Variants in CRYBG3 observed in about 807,000 individuals in gnomAD.
The protein encoded by CRYBG3 is crystallin beta-gamma domain containing 3, also known as very large A-kinase anchor protein.
A neutral mutation model predicts 244.2 loss-of-function variants in CRYBG3; 127 were observed. That is an observed-to-expected ratio of 0.52 (90% CI 0.45 to 0.60). The LOEUF (loss-of-function observed/expected upper bound fraction) is 0.60, where lower values mean the gene tolerates loss of function less well. Among genes scored for constraint, CRYBG3 ranks in the 20% least tolerant of loss-of-function variants. The pLI is 0.00. For missense variants in CRYBG3, 3,325 were observed against 3,442.5 expected, an observed-to-expected ratio of 0.97 and a Z score of 0.85; for synonymous variants, 1,132 against 1,195.8, an observed-to-expected ratio of 0.95 and a Z score of 1.10.
rs929917824 is a variant in CRYBG3, at chr3:97,876,070, G to T, written c.4876G>T (p.Asp1626Tyr). ...LGMEKAYKMK[D>Y]TEGDIGKIEV... ...AATGGAAAAAGCTTATAAGATGAAG[G>T]ATACTGAAGGGGATATTGGCAAAAT... The change falls in exon 4 of 22, where the codon GAT (aspartate) becomes TAT (tyrosine). Residue 1626 changes from aspartate (D) to tyrosine (Y), a missense_variant. Asp to Tyr is a radical substitution (Grantham distance 160). This residue lies in a region of CRYBG3 where 635 missense variants were observed against 771.7 expected (regional missense o/e 0.82). Coordinates refer to ENST00000389622, the MANE Select transcript of CRYBG3 (RefSeq NM_153605.4). The T allele has an allele frequency of 8.1e-7, 1 of 1,231,920 alleles. No individual in the cohort carries two copies. The allele number at this position is 1,231,920 out of a possible 1,614,324, so 76.3% of individuals were successfully genotyped here.
At chr3:97,852,716 A>T (rs1204397254) in intron 2 of CRYBG3, among the ~76,000 whole-genome samples, 2 of 152,128 alleles carry the variant, frequency 1.3e-5, no homozygotes, top group Non-Finnish European at 2.9e-5. Context: ...GCTGGATCCC[A>T]TAGTAGTTTA....
chr3:97,863,552 T>C (rs999013303), intron 2 of CRYBG3, among the ~76,000 whole-genome samples: 1 of 152,130 alleles, frequency 6.6e-6, no homozygotes. Flanking sequence ...TTCTCTGAAC[T>C]GAAGTACCAT....
intron 1 of CRYBG3, among the ~76,000 whole-genome samples, chr3:97,828,452 A>T (rs1178169360): frequency 6.6e-6 from 1 of 152,040 alleles, no homozygotes; most frequent in Non-Finnish European, 1.5e-5. Flanking sequence ...ATATAGTGAA[A>T]TATGATGTAT....
At chr3:97,833,231 A>G (rs1233247382) in intron 1 of CRYBG3, among the ~76,000 whole-genome samples, 2 of 152,234 alleles carry the variant, frequency 1.3e-5, no homozygotes, top group African/African-American at 4.8e-5. Flanking sequence ...CCAAAGGATT[A>G]TAAATCATTC....
In CRYBG3 at chr3:97,874,253, C is replaced by A. The variant is rs912203334; in HGVS notation, c.3059C>A (p.Ser1020Tyr). ...TCTGATTCCAGTTTGGAAAAAAATTCTTCTGCATCTGAGGACTCAAGCTTC... is the reference window on the plus strand; with the variant it reads ...TCTGATTCCAGTTTGGAAAAAAATTATTCTGCATCTGAGGACTCAAGCTTC... The part of the protein sequence containing the change: ...LDSDSSLEKN[S>Y]SASEDSSFLK... The change falls in exon 4 of 22, where the codon TCT (serine) becomes TAT (tyrosine). Residue 1020 changes from serine (S) to tyrosine (Y), a missense_variant. Ser to Tyr is a moderately radical substitution (Grantham distance 144, BLOSUM62 -2). Transcript: ENST00000389622. 1 of 1,535,182 alleles carries A rather than the reference C, an allele frequency of 6.5e-7. No individual in the cohort carries two copies. Among genetic ancestry groups the A allele is most frequent in the Non-Finnish European group, 8.7e-7 (1 of 1,146,662 alleles).
At position 97,937,054 on chromosome 3, in the gene CRYBG3, C is replaced by T. The variant is rs1288558792; in HGVS notation, c.8505+146C>T. On this transcript the variant is annotated intron_variant, in intron 19 of 21. Coordinates refer to ENST00000389622, the MANE Select transcript of CRYBG3 (RefSeq NM_153605.4). ...TGAATTAGGATGCGGATATCTTGTACATTTTAACCAATTTGTAAGATTGTA... is the reference window on the plus strand; with the variant it reads ...TGAATTAGGATGCGGATATCTTGTATATTTTAACCAATTTGTAAGATTGTA... 3.5e-6 allele frequency: 3 copies of T among 853,856 alleles called. No individual in the cohort carries two copies. The East Asian group carries it at 8.1e-5, about 23-fold the overall frequency. The allele number at this position is 853,856 out of a possible 1,614,324, so 52.9% of individuals were successfully genotyped here. A position where few individuals can be genotyped will look rare whatever the true frequency, so the allele number is the denominator to read the frequency against.
intron 2 of CRYBG3, among the ~76,000 whole-genome samples, chr3:97,845,118 G>A (rs374326137): frequency 6.6e-6 from 1 of 152,140 alleles, no homozygotes; most frequent in East Asian, 1.9e-4. Flanking sequence ...TAACAAATAT[G>A]TATTTTGGTA....
At chr3:97,915,990 G>A (rs1236835812) in intron 17 of CRYBG3, among the ~76,000 whole-genome samples, 1 of 152,050 alleles carries the variant, frequency 6.6e-6, no homozygotes, top group Non-Finnish European at 1.5e-5. Context: ...TCAACTCCCA[G>A]TTTGATACTT....
At chr3:97,837,039 C>T (rs1211727373) in intron 1 of CRYBG3, 4 of 152,048 alleles carry the variant, frequency 2.6e-5, no homozygotes, top group East Asian at 3.9e-4. Flanking sequence ...GATCCAAAAA[C>T]GTTCATTTTG....
intron 7 of CRYBG3, among the ~76,000 whole-genome samples, chr3:97,884,379 T>G (rs1175622718): frequency 6.6e-6 from 1 of 152,116 alleles, no homozygotes; most frequent in Non-Finnish European, 1.5e-5. Flanking sequence ...TATGACATCT[T>G]TCTTATGGTA....
intron 2 of CRYBG3, among the ~76,000 whole-genome samples, chr3:97,854,477 A>G (rs2039036317): frequency 1.3e-5 from 2 of 152,036 alleles, no homozygotes; most frequent in South Asian, 4.1e-4. Context: ...CTACCCATCC[A>G]TGAGCATGGG....
chr3:97,917,974 C>T (rs954948154), intron 17 of CRYBG3, among the ~76,000 whole-genome samples: 3 of 152,124 alleles, frequency 2.0e-5, no homozygotes, highest in Non-Finnish European at 4.4e-5. Flanking sequence ...CCACTATCTT[C>T]GTAGTTAGGA....
intron 2 of CRYBG3, among the ~76,000 whole-genome samples, chr3:97,849,749 CTTT>C (rs2038956806): frequency 6.6e-6 from 1 of 152,114 alleles, no homozygotes; most frequent in Non-Finnish European, 1.5e-5. Flanking sequence ...GAAAATTTGC[CTTT>C]ACAGGTGTCA....
chr3:97,872,482 C>A lies in CRYBG3; in HGVS notation c.1288C>A (p.Gln430Lys). 1.3e-6 allele frequency: 2 copies of A among 1,535,988 alleles called. No homozygotes were observed. Among genetic ancestry groups the A allele is most frequent in the Non-Finnish European group, 8.7e-7 (1 of 1,146,832 alleles). The change falls in exon 4 of 22, where the codon CAG (glutamine) becomes AAG (lysine). Residue 430 changes from glutamine to lysine, a missense_variant. This residue lies in a region of CRYBG3 where 1,526 missense variants were observed against 1,443.2 expected (regional missense o/e 1.06). Coordinates refer to ENST00000389622, the MANE Select transcript of CRYBG3 (RefSeq NM_153605.4). ...LVQREELVEP[Q>K]GPAISDFSCS... The stretch of plus-strand genomic sequence containing the variant: ...GCAAAGAGAGGAGCTTGTTGAGCCT[C>A]AGGGCCCTGCTATTTCTGATTTCTC...
At chr3:97,898,143 C>G (rs576845939) in intron 12 of CRYBG3, among the ~76,000 whole-genome samples, 14 of 151,458 alleles carry the variant, frequency 9.2e-5, no homozygotes, top group African/African-American at 3.4e-4. Flanking sequence ...TGGCGGAAAC[C>G]TGGGAGGCAG....
intron 11 of CRYBG3, among the ~76,000 whole-genome samples, chr3:97,894,110 A>C (rs991374174): frequency 6.6e-5 from 10 of 152,160 alleles, no homozygotes; most frequent in African/African-American, 2.2e-4. Flanking sequence ...CTGGTTTGTG[A>C]ACACACATGT....
intron 15 of CRYBG3, among the ~76,000 whole-genome samples, chr3:97,911,906 A>G (rs2039876942): frequency 6.6e-6 from 1 of 152,206 alleles, no homozygotes; most frequent in Admixed American, 6.5e-5. Context: ...ATTGATTTCT[A>G]GGCCTCTCTT....
Position 97,942,462 on chromosome 3 carries a change from C to G in CRYBG3, c.8824+19C>G, listed in dbSNP as rs1374285030. ...GTTAAAGGTGGGCCTTTGATGATAC[C>G]CAATGTTGTGTCCCTGGATATTAGT... is the stretch of plus-strand genomic sequence containing the variant. On this transcript the variant is annotated intron_variant, in intron 21 of 21. Transcript: ENST00000389622. 1 of 1,590,670 alleles carries G rather than the reference C, an allele frequency of 6.3e-7. No individual in the cohort carries two copies. Among genetic ancestry groups the G allele is most frequent in the South Asian group, 1.1e-5 (1 of 87,374 alleles).
intron 1 of CRYBG3, among the ~76,000 whole-genome samples, chr3:97,841,516 C>T (rs545700707): frequency 6.6e-6 from 1 of 151,856 alleles, no homozygotes; most frequent in Non-Finnish European, 1.5e-5. Flanking sequence ...TTGACCATGA[C>T]CATTTGTTTC....
Sources: allele counts gnomAD v4.1 joint callset (sites outside exome capture counted in the v4.1 genomes callset), GRCh38; gene constraint gnomAD v4.1.1; regional missense constraint gnomAD v4.1.1; transcripts MANE v1.5; gene names NCBI Gene and HGNC (gene_info 2026-07-23, HGNC 2026-07-21).